Variants in ZNF608 observed in about 807,000 individuals in gnomAD.
ZNF608 encodes the protein zinc finger protein 608, also known as renal carcinoma antigen NY-REN-36.
A neutral mutation model predicts 109.0 loss-of-function variants in ZNF608; 12 were observed. That is an observed-to-expected ratio of 0.11 (90% CI 0.07 to 0.18). The LOEUF is 0.18. Among genes scored for constraint, ZNF608 ranks in the 10% least tolerant of loss-of-function variants. The pLI, the probability that ZNF608 is intolerant of heterozygous loss-of-function variation, is 1.00. For missense variants in ZNF608, 1,707 were observed against 1,879.3 expected (o/e 0.91, Z 1.70); for synonymous variants, 732 against 717.4 (o/e 1.02, Z -0.33).
intron 2 of ZNF608, chr5:124,707,897 C>T (rs1753325643): frequency 6.6e-6 from 1 of 152,208 alleles, no homozygotes; most frequent in South Asian, 2.1e-4. Flanking sequence ...CTAATTCTGC[C>T]TTTTCGTAAA....
At chr5:124,683,239 A>T (rs918747966) in intron 3 of ZNF608, among the ~76,000 whole-genome samples, 3 of 152,202 alleles carry the variant, frequency 2.0e-5, no homozygotes, top group African/African-American at 7.2e-5. Flanking sequence ...CTACAGCCTG[A>T]TTGAAACCTT....
chr5:124,647,797 C>T lies in ZNF608; in HGVS notation c.2587G>A (p.Gly863Arg). The T allele has an allele frequency of 1.2e-6, 2 of 1,614,204 alleles. No individual in the cohort carries two copies. The highest frequency in any genetic ancestry group is 2.2e-5 in the South Asian group (2 of 91,086). ...GACTCCGACAGTCCATTTGCCAGCC[C>T]TTCATTCTTGTTGAGATGATCCTTT... ...FLKDHLNKNEGLANGLSESQE... is the reference protein window; with the variant it reads ...FLKDHLNKNERLANGLSESQE... Residue 863 changes from glycine (G) to arginine (R), a missense_variant, in exon 5 of 10, where the codon GGG (glycine) becomes AGG (arginine). This residue lies in a region of ZNF608 where 1,073 missense variants were observed against 1,133.5 expected (regional missense o/e 0.95). Coordinates refer to ENST00000513986, the MANE Select transcript of ZNF608 (RefSeq NM_020747.3).
At chr5:124,713,809 G>C (rs1409271846) in intron 2 of ZNF608, among the ~76,000 whole-genome samples, 1 of 152,148 alleles carries the variant, frequency 6.6e-6, no homozygotes, top group Non-Finnish European at 1.5e-5. Context: ...TGTTGGAACA[G>C]GGCAGGAAGG....
At position 124,745,007 on chromosome 5, in the gene ZNF608, TAGAATAA is replaced by T. The variant is rs774555683; in HGVS notation, c.-25_-19del. On this transcript the variant is annotated 5_prime_UTR_variant, in exon 2 of 10. An upstream open reading frame in the 5' UTR gains an earlier in-frame stop. Transcript: ENST00000513986. ...ACTGACATCCTGAAGATGAGCTCTC[TAGAATAA>T]AAATCCGATGAACTTTTCTTTGGAG... The T allele has an allele frequency of 6.4e-7, 1 of 1,574,746 alleles. No homozygotes were observed. The highest frequency in any genetic ancestry group is 8.6e-7 in the Non-Finnish European group (1 of 1,162,322).
chr5:124,644,253 T>G lies in ZNF608; in HGVS notation c.4114A>C (p.Ser1372Arg). 6.2e-7 allele frequency: 1 copy of G among 1,606,568 alleles called. No individual in the cohort carries two copies. The highest frequency in any genetic ancestry group is 8.5e-7 in the Non-Finnish European group (1 of 1,173,918). The change falls in exon 6 of 10, where the codon AGT becomes CGT. Residue 1372 changes from serine (S) to arginine (R), a missense_variant. Physicochemically the swap from Ser to Arg is moderately radical, Grantham distance 110. Around this residue, in one of 7 missense-constraint regions of ZNF608, gnomAD observed 1,073 missense variants for 1,133.5 expected, o/e 0.95. Coordinates refer to ENST00000513986, the MANE Select transcript of ZNF608 (RefSeq NM_020747.3). The stretch of plus-strand genomic sequence containing the variant: ...AACCGACAACACGTACCAGGATAAC[T>G]GTGCATTAGGACGGGAGAAACAGCC... Reference protein sequence around the residue: ...YRAVSPVLMHSYPGAYLSPGF... With the variant: ...YRAVSPVLMHRYPGAYLSPGF...
Position 124,638,122 on chromosome 5 carries a change from A to G in ZNF608, c.4533-216T>C, listed in dbSNP as rs2149777608. Among the ~76,000 whole-genome samples the G allele has an allele frequency of 4.6e-5, 7 of 150,856 alleles. No individual in the cohort carries two copies. The South Asian group carries it at 1.5e-3, about 32-fold the overall frequency. Reference sequence around the variant, plus strand: ...TGTGCCACCATGCCTGGCTAATTTTATGTTTTTAGTAGAGAGGGGGTTTCT... The same window carrying G: ...TGTGCCACCATGCCTGGCTAATTTTGTGTTTTTAGTAGAGAGGGGGTTTCT... On this transcript the variant is annotated intron_variant, in intron 9 of 9. Transcript: ENST00000513986.
intron 9 of ZNF608, 43 bp from the exon 10 acceptor site, chr5:124,637,949 T>TTTTG: frequency 6.2e-7 from 1 of 1,608,194 alleles, no homozygotes; most frequent in Non-Finnish European, 8.5e-7. Flanking sequence ...TCTATCAACA[T>TTTTG]TTTGTTTGTT....
upstream of ZNF608, chr5:124,748,509 G>T: frequency 1.0e-6 from 1 of 984,248 alleles, no homozygotes; most frequent in African/African-American, 1.7e-5. Context: ...GCTATATAGA[G>T]ACACACCACG....
intron 3 of ZNF608, among the ~76,000 whole-genome samples, chr5:124,664,253 C>A (rs2149806466): frequency 6.6e-6 from 1 of 152,146 alleles, no homozygotes; most frequent in African/African-American, 2.4e-5. Flanking sequence ...AATTTTAAGT[C>A]TTGAGTTAAT....
intron 3 of ZNF608, among the ~76,000 whole-genome samples, chr5:124,667,214 T>C (rs1751514861): frequency 6.6e-6 from 1 of 152,130 alleles, no homozygotes; most frequent in East Asian, 1.9e-4. Flanking sequence ...AGAAATAAAG[T>C]TATTGGTATG....
chr5:124,638,195 C>A (rs1030571812), intron 9 of ZNF608, among the ~76,000 whole-genome samples: 1 of 152,012 alleles, frequency 6.6e-6, no homozygotes, highest in Non-Finnish European at 1.5e-5. Flanking sequence ...GGTGATCTGC[C>A]CACCTCGGCC....
intron 1 of ZNF608, 61 bp from the exon 2 acceptor site, chr5:124,745,233 G>T (rs1462038571): frequency 3.0e-6 from 4 of 1,348,176 alleles, no homozygotes; most frequent in Non-Finnish European, 3.8e-6. Flanking sequence ...AATAAAAAAC[G>T]ATTAGTATTG....
intron 2 of ZNF608, among the ~76,000 whole-genome samples, chr5:124,731,680 G>A (rs1279439895): frequency 6.6e-6 from 1 of 151,992 alleles, no homozygotes; most frequent in Non-Finnish European, 1.5e-5. Flanking sequence ...ACAAAAATTA[G>A]CCAGGCGTGC....
intron 2 of ZNF608, among the ~76,000 whole-genome samples, chr5:124,738,440 T>C (rs962305566): frequency 6.6e-6 from 1 of 152,238 alleles, no homozygotes. Flanking sequence ...TTCAGAGTGC[T>C]GGCAATCAAA....
chr5:124,707,216 G>A (rs1269241536), intron 2 of ZNF608, among the ~76,000 whole-genome samples: 2 of 152,188 alleles, frequency 1.3e-5, no homozygotes, highest in African/African-American at 2.4e-5. Context: ...GGCCAGGGTA[G>A]GGCTGGAGAG....
intron 3 of ZNF608, among the ~76,000 whole-genome samples, chr5:124,700,285 T>C (rs1054730103): frequency 6.6e-6 from 1 of 152,230 alleles, no homozygotes; most frequent in Non-Finnish European, 1.5e-5. Flanking sequence ...GGTGGTCATG[T>C]GCTATGAGAC....
intron 3 of ZNF608, among the ~76,000 whole-genome samples, chr5:124,695,280 T>C (rs943448549): frequency 1.3e-4 from 20 of 152,230 alleles, no homozygotes; most frequent in African/African-American, 4.8e-4. Context: ...CTCTGTAAAG[T>C]ACTGTACCAA....
upstream of ZNF608, among the ~76,000 whole-genome samples, chr5:124,747,066 A>T (rs371330115): frequency 1.9e-4 from 29 of 152,058 alleles, no homozygotes; most frequent in South Asian, 2.5e-3. Context: ...AAAGGAACTG[A>T]GTTCCTAGTA....
chr5:124,709,170 C>CAAAAAAAAAAAA lies in ZNF608; in HGVS notation c.907-7913_907-7902dup, dbSNP rs1156276798. Among the ~76,000 whole-genome samples the CAAAAAAAAAAAA allele has an allele frequency of 9.2e-4, 30 of 32,712 alleles. 5 individuals are homozygous for CAAAAAAAAAAAA. The highest frequency in any genetic ancestry group is 2.3e-3 in the South Asian group (1 of 432). The allele number at this position is 32,712 out of a possible 152,430, so 21.5% of individuals were successfully genotyped here. A position where few individuals can be genotyped will look rare whatever the true frequency, so the allele number is the denominator to read the frequency against. ...TGGGCAACAGAGAGAGACTCTGTCT[C>CAAAAAAAAAAAA]AAAAAAAAAAAAAAAAAAAAAAAAA... On this transcript the variant is annotated intron_variant, in intron 2 of 9. Coordinates refer to ENST00000513986, the MANE Select transcript of ZNF608 (RefSeq NM_020747.3).
Sources: allele counts gnomAD v4.1 joint callset (sites outside exome capture counted in the v4.1 genomes callset), GRCh38; gene constraint gnomAD v4.1.1; regional missense constraint gnomAD v4.1.1; transcripts MANE v1.5; gene names NCBI Gene and HGNC (gene_info 2026-07-23, HGNC 2026-07-21).